PRRC2C: variants seen among roughly 807,000 people sequenced by gnomAD.
PRRC2C encodes the protein protein PRRC2C.
PRRC2C carries 72 observed loss-of-function variants against 317.2 expected under a neutral mutation model. The ratio of observed to expected loss-of-function variants is 0.23; its 90% CI spans 0.19 to 0.28. PRRC2C has a LOEUF of 0.28. PRRC2C is among the 10% of genes least tolerant of loss of function. The pLI is 1.00. For missense variants in PRRC2C, 3,074 were observed against 3,459.7 expected (o/e 0.89, Z 2.80); for synonymous variants, 1,296 against 1,205.9 (o/e 1.07, Z -1.55).
At position 171,515,757 on chromosome 1, in the gene PRRC2C, C is replaced by G. The variant is rs375860786; in HGVS notation, c.424C>G (p.Gln142Glu). The change falls in exon 5 of 35, where the codon CAG (glutamine) becomes GAG (glutamate). Residue 142 changes from glutamine to glutamate, a missense_variant. Around this residue, in one of 11 missense-constraint regions of PRRC2C, gnomAD observed 237 missense variants for 199.5 expected, o/e 1.19. Coordinates refer to ENST00000647382, the MANE Select transcript of PRRC2C (RefSeq NM_001387844.1). ...GDGIQVNSQF[Q>E]QEFPSLQAAG... ...AGGAATCCAAGTGAATAGTCAGTTT[C>G]AGCAAGAATTTCCCAGCCTGCAGGC... The G allele has an allele frequency of 1.3e-5, 21 of 1,606,978 alleles. No homozygotes were observed. Among genetic ancestry groups the G allele is most frequent in the Non-Finnish European group, 1.8e-5 (21 of 1,176,550 alleles).
chr1:171,523,166 TC>T, intron 7 of PRRC2C, 54 bp from the exon 8 acceptor site: 1 of 1,466,756 alleles, frequency 6.8e-7, no homozygotes, highest in Non-Finnish European at 9.2e-7. Flanking sequence ...TTTAGTATTC[TC>T]CCAGTTTAGT....
Position 171,535,523 on chromosome 1 carries a change from C to A in PRRC2C, c.1969C>A (p.Pro657Thr), listed in dbSNP as rs774074533. Residue 657 changes from proline to threonine, a missense_variant, in exon 13 of 35, where the codon CCT becomes ACT. Pro to Thr is a conservative substitution (Grantham distance 38, BLOSUM62 -1). Transcript: ENST00000647382. ...HETEPESGSQ[P>T]RPAVLSGYFK... ...AACAGAACCAGAATCAGGGTCTCAA[C>A]CTCGGCCGGCTGTATTATCTGGCTA... The A allele has an allele frequency of 1.9e-6, 3 of 1,614,020 alleles. No homozygotes were observed. In the East Asian group the frequency reaches 6.7e-5, roughly 36 times the overall value.
intron 2 of PRRC2C, 25 bp from the exon 3 acceptor site, chr1:171,512,970 G>A (rs1671659030): frequency 1.9e-6 from 3 of 1,575,772 alleles, no homozygotes; most frequent in Non-Finnish European, 2.6e-6. Context: ...GATGTTCTAA[G>A]AAAGTTGATG....
At chr1:171,561,540 G>T (rs1438881380) in intron 20 of PRRC2C, among the ~76,000 whole-genome samples, 3 of 152,158 alleles carry the variant, frequency 2.0e-5, no homozygotes, top group Non-Finnish European at 4.4e-5. Flanking sequence ...CATAGTTCAT[G>T]ACTTATTAGG....
chr1:171,489,280 TTG>T (rs1666691829), intron 1 of PRRC2C, among the ~76,000 whole-genome samples: 1 of 152,190 alleles, frequency 6.6e-6, no homozygotes, highest in African/African-American at 2.4e-5. Flanking sequence ...ATAATATGCA[TTG>T]TGAGATTTAT....
rs79717812 is a variant in PRRC2C, at chr1:171,507,729, T to A, written c.-57-4303T>A. ...ATGAACTTCAGGCACTGTTCCCCTC[T>A]GATCCTCTCAGGTCTTTCTTTGCTG... On this transcript the variant is annotated intron_variant, in intron 1 of 34. Transcript: ENST00000647382. Among the ~76,000 whole-genome samples, 1,058 of 152,338 alleles carry A rather than the reference T, an allele frequency of 6.9e-3. 15 individuals carry two copies. The highest frequency in any genetic ancestry group is 0.024 in the African/African-American group (1,004 of 41,574).
At chr1:171,551,135 T>A (rs1367357030) in intron 18 of PRRC2C, among the ~76,000 whole-genome samples, 10 of 152,190 alleles carry the variant, frequency 6.6e-5, no homozygotes, top group African/African-American at 1.7e-4. Flanking sequence ...ACCTGTTGTT[T>A]CCTGACTTTT....
intron 2 of PRRC2C, 99 bp from the exon 3 acceptor site, chr1:171,512,896 A>AG: frequency 9.5e-7 from 1 of 1,047,434 alleles, no homozygotes; most frequent in Non-Finnish European, 1.3e-6. Flanking sequence ...AAAATCATTC[A>AG]GGGATTGCAT....
chr1:171,497,257 A>G (rs1319237611), intron 1 of PRRC2C, among the ~76,000 whole-genome samples: 1 of 152,170 alleles, frequency 6.6e-6, no homozygotes, highest in Non-Finnish European at 1.5e-5. Flanking sequence ...TAATTTCTCA[A>G]AATGAAAGTT....
intron 1 of PRRC2C, among the ~76,000 whole-genome samples, chr1:171,509,034 C>T (rs539402582): frequency 1.3e-5 from 2 of 151,930 alleles, no homozygotes; most frequent in South Asian, 4.2e-4. Flanking sequence ...CTACAGGCAC[C>T]TGCCACCATG....
rs1339245629 is a variant in PRRC2C at position 171,568,294 on chromosome 1, C to T, written c.6606C>T (p.Thr2202=). 4.3e-6 allele frequency: 7 copies of T among 1,610,018 alleles called. No individual in the cohort carries two copies. The highest frequency in any genetic ancestry group is 5.9e-6 in the Non-Finnish European group (7 of 1,178,010). Reference sequence around the variant, plus strand: ...CACCCTCTTCTTCTTTGCCTAACACCGTGGCTACTAATAATACAAAGATGG... The same window carrying T: ...CACCCTCTTCTTCTTTGCCTAACACTGTGGCTACTAATAATACAAAGATGG... ...YTTPSSSLPN[T]VATNNTKMED... is the part of the protein sequence containing the mutation. Residue 2202 remains threonine, a synonymous_variant, in exon 23 of 35, where the codon ACC becomes ACT. Coordinates refer to ENST00000647382, the MANE Select transcript of PRRC2C (RefSeq NM_001387844.1).
rs1683981100 is a variant in PRRC2C, at chr1:171,567,888, T to C, written c.6559-359T>C. 2.0e-5 allele frequency among the ~76,000 whole-genome samples: 3 copies of C among 152,156 alleles called. No individual in the cohort carries two copies. The South Asian group carries it at 6.2e-4, about 32-fold the overall frequency. On this transcript the variant is annotated intron_variant, in intron 22 of 34. Transcript: ENST00000647382. ...AACTTTACAACTATTAGGCTATCAT[T>C]AGAAAGTGAGCAATTTGGCCAGGCG...
Position 171,584,069 on chromosome 1 carries a change from C to T in PRRC2C, c.7523C>T (p.Ser2508Phe). The T allele has an allele frequency of 6.2e-7, 1 of 1,613,942 alleles. No homozygotes were observed. Among genetic ancestry groups the T allele is most frequent in the Non-Finnish European group, 8.5e-7 (1 of 1,179,824 alleles). Residue 2508 changes from serine to phenylalanine, a missense_variant, in exon 29 of 35, where the codon TCC becomes TTC. Physicochemically the swap from Ser to Phe is radical, Grantham distance 155. This residue lies in a region of PRRC2C where 490 missense variants were observed against 663.1 expected (regional missense o/e 0.74). Coordinates refer to ENST00000647382, the MANE Select transcript of PRRC2C (RefSeq NM_001387844.1). The part of the protein sequence containing the change: ...VQHQELAKAQ[S>F]GLAFQQTSNT... The stretch of plus-strand genomic sequence containing the variant: ...CACCAAGAACTTGCCAAGGCACAAT[C>T]CGGTCTTGCCTTTCAGCAAACATCA...
chr1:171,533,732 T>C (rs1676293866), intron 12 of PRRC2C, among the ~76,000 whole-genome samples: 1 of 152,144 alleles, frequency 6.6e-6, no homozygotes, highest in South Asian at 2.1e-4. Flanking sequence ...CAAGTGATTC[T>C]CCTGCCCCAG....
chr1:171,577,364 G>GT, intron 25 of PRRC2C, 70 bp from the exon 26 acceptor site: 1 of 1,339,818 alleles, frequency 7.5e-7, no homozygotes, highest in Non-Finnish European at 1.0e-6. Context: ...GTTTCTGGTT[G>GT]GTACTGTGAA....
At chr1:171,521,145 C>G (rs1479608240) in intron 6 of PRRC2C, among the ~76,000 whole-genome samples, 1 of 152,076 alleles carries the variant, frequency 6.6e-6, no homozygotes, top group Non-Finnish European at 1.5e-5. Flanking sequence ...ATAAACATAG[C>G]CTTACTTCAA....
At chr1:171,494,029 A>G (rs1227225744) in intron 1 of PRRC2C, among the ~76,000 whole-genome samples, 3 of 152,244 alleles carry the variant, frequency 2.0e-5, no homozygotes, top group African/African-American at 7.2e-5. Flanking sequence ...GCCTGTGGTC[A>G]CCTAGCTACT....
At chr1:171,586,589 TA>T (rs1650068309) in intron 30 of PRRC2C, among the ~76,000 whole-genome samples, 1 of 138,650 alleles carries the variant, frequency 7.2e-6, no homozygotes, top group African/African-American at 2.7e-5. Flanking sequence ...TATTTTATTT[TA>T]TTTTATTTTG....
chr1:171,556,268 A>C (rs888409033), intron 18 of PRRC2C, among the ~76,000 whole-genome samples: 1 of 152,174 alleles, frequency 6.6e-6, no homozygotes, highest in African/African-American at 2.4e-5. Context: ...GCCGTTTGCT[A>C]AGACCGTTGG....
Sources: allele counts gnomAD v4.1 joint callset (sites outside exome capture counted in the v4.1 genomes callset), GRCh38; gene constraint gnomAD v4.1.1; regional missense constraint gnomAD v4.1.1; transcripts MANE v1.5; gene names NCBI Gene and HGNC (gene_info 2026-07-23, HGNC 2026-07-21).